SFXN5: variants seen among roughly 807,000 people sequenced by gnomAD.
The protein encoded by SFXN5 is sideroflexin 5.
A neutral mutation model predicts 50.2 loss-of-function variants in SFXN5; 43 were observed. The ratio of observed to expected loss-of-function variants is 0.86; its 90% confidence interval spans 0.67 to 1.11. The LOEUF is 1.11. Ranked by LOEUF, SFXN5 falls within the 50% of genes least tolerant of loss-of-function variation. The probability of loss-of-function intolerance (pLI) is 0.00; values close to 1 mark genes in which losing one functional copy is unlikely to be tolerated. For missense variants in SFXN5, 463 were observed against 454.1 expected (o/e 1.02, Z -0.18); for synonymous variants, 203 against 185.8 (o/e 1.09, Z -0.75).
At chr2:73,059,491 T>G in intron 1 of SFXN5, 2 of 985,346 alleles carry the variant, frequency 2.0e-6, no homozygotes, top group South Asian at 9.4e-5. Context: ...CCTTATTTAG[T>G]AGGACACCAG....
chr2:73,061,223 G>A (rs1178295025), intron 1 of SFXN5, among the ~76,000 whole-genome samples: 1 of 150,916 alleles, frequency 6.6e-6, no homozygotes, highest in African/African-American at 2.4e-5. Context: ...CAGGAGAATC[G>A]CTTGAACCTA....
At position 73,050,388 on chromosome 2, in the gene SFXN5, G is replaced by GCGCGCGCGCGCACACACACACACACA; in HGVS notation, c.171+8139_171+8140insTGTGTGTGTGTGTGTGCGCGCGCGCG. ...GTGGAGGTAGCGCCGCAGCCACAGC[G>GCGCGCGCGCGCACACACACACACACA]CACGCACACACACACACACACACAC... On this transcript the variant is annotated intron_variant, in intron 2 of 13. Coordinates refer to ENST00000272433, the MANE Select transcript of SFXN5 (RefSeq NM_144579.3). Among the ~76,000 whole-genome samples, 9 of 143,912 alleles carry GCGCGCGCGCGCACACACACACACACA rather than the reference G, an allele frequency of 6.3e-5. No homozygotes were observed. In the South Asian group the frequency reaches 1.5e-3, roughly 24 times the overall value. The allele number at this position is 143,912 out of a possible 152,430, so 94.4% of individuals were successfully genotyped here.
chr2:73,050,403 C>G (rs1471518849), intron 2 of SFXN5, among the ~76,000 whole-genome samples: 2 of 152,040 alleles, frequency 1.3e-5, no homozygotes, highest in Non-Finnish European at 2.9e-5. Flanking sequence ...CACACACACA[C>G]ACACACACAC....
At chr2:72,981,449 G>T (rs1160386414) in intron 10 of SFXN5, among the ~76,000 whole-genome samples, 4 of 152,086 alleles carry the variant, frequency 2.6e-5, no homozygotes, top group Admixed American at 1.3e-4. Context: ...ATCAAACCTT[G>T]TGAGATCTCA....
At chr2:72,991,986 T>C (rs552641038) in intron 9 of SFXN5, among the ~76,000 whole-genome samples, 29 of 152,284 alleles carry the variant, frequency 1.9e-4, no homozygotes, top group African/African-American at 6.7e-4. Context: ...TTTTGGTAGA[T>C]GGGGAAAACA....
At chr2:72,957,196 C>G (rs1319285172) in intron 13 of SFXN5, 2 of 414,154 alleles carry the variant, frequency 4.8e-6, no homozygotes, top group Non-Finnish European at 9.9e-6. Flanking sequence ...CCAGAGCCAT[C>G]TGACTGTCTA....
chr2:72,985,926 C>T (rs537279786), intron 10 of SFXN5, among the ~76,000 whole-genome samples: 63 of 152,286 alleles, frequency 4.1e-4, no homozygotes, highest in Non-Finnish European at 6.3e-4. Flanking sequence ...AGCAAGATGG[C>T]CAGTAGGGCT....
At chr2:73,018,607 G>C (rs553874805) in intron 6 of SFXN5, among the ~76,000 whole-genome samples, 106 of 152,328 alleles carry the variant, frequency 7.0e-4, no homozygotes, top group Non-Finnish European at 1.3e-3. Context: ...GAAAATTTGA[G>C]ACTATGCAAA....
intron 6 of SFXN5, among the ~76,000 whole-genome samples, chr2:73,009,244 C>G (rs1389907894): frequency 3.3e-5 from 5 of 152,254 alleles, no homozygotes; most frequent in Non-Finnish European, 7.3e-5. Flanking sequence ...CCCCTTCAGA[C>G]CAGGCATTTG....
intron 6 of SFXN5, among the ~76,000 whole-genome samples, chr2:73,004,690 G>A (rs1674388216): frequency 2.0e-5 from 3 of 152,008 alleles, no homozygotes; most frequent in South Asian, 2.1e-4. Context: ...GAGCTGCATC[G>A]GCCAAATGGA....
intron 10 of SFXN5, among the ~76,000 whole-genome samples, chr2:72,985,592 G>A (rs1671821495): frequency 6.6e-6 from 1 of 151,858 alleles, no homozygotes; most frequent in Admixed American, 6.6e-5. Context: ...ACTGGGGCTG[G>A]GGCAGAAGGC....
chr2:72,975,073 A>G (rs1670474881), intron 10 of SFXN5, among the ~76,000 whole-genome samples: 1 of 152,334 alleles, frequency 6.6e-6, no homozygotes, highest in South Asian at 2.1e-4. Context: ...AATGTGGGAG[A>G]TGTCAAGGAA....
At chr2:73,036,086 C>T (rs532240575) in intron 3 of SFXN5, among the ~76,000 whole-genome samples, 2 of 152,228 alleles carry the variant, frequency 1.3e-5, no homozygotes, top group Non-Finnish European at 2.9e-5. Flanking sequence ...AGAGCAGGCG[C>T]AGAGCCCAGG....
chr2:73,054,373 G>T (rs904999643), intron 2 of SFXN5, among the ~76,000 whole-genome samples: 1 of 152,004 alleles, frequency 6.6e-6, no homozygotes, highest in Non-Finnish European at 1.5e-5. Context: ...TAAATTAATA[G>T]TTTTTTTTAA....
chr2:72,963,404 G>A (rs535793072), intron 12 of SFXN5, among the ~76,000 whole-genome samples: 3 of 152,272 alleles, frequency 2.0e-5, no homozygotes, highest in African/African-American at 7.2e-5. Flanking sequence ...GAAGTACTCA[G>A]TGGGAAAGAG....
At chr2:73,047,056 C>CTCTA (rs1680430809) in intron 2 of SFXN5, among the ~76,000 whole-genome samples, 1 of 149,226 alleles carries the variant, frequency 6.7e-6, no homozygotes, top group African/African-American at 2.5e-5. Flanking sequence ...GAAACTCCAT[C>CTCTA]TCTACTTAAA....
At chr2:73,009,957 G>A (rs1277231743) in intron 6 of SFXN5, among the ~76,000 whole-genome samples, 1 of 152,236 alleles carries the variant, frequency 6.6e-6, no homozygotes, top group Non-Finnish European at 1.5e-5. Context: ...GATGGCAGCT[G>A]ATAATTGTGT....
chr2:72,991,557 C>T (rs1355802097), intron 9 of SFXN5, among the ~76,000 whole-genome samples: 1 of 152,242 alleles, frequency 6.6e-6, no homozygotes, highest in African/African-American at 2.4e-5. Flanking sequence ...TACCCTCACC[C>T]CTTCCCAGGC....
chr2:72,988,150 G>T, intron 10 of SFXN5, 108 bp downstream of exon 10: 1 of 943,852 alleles, frequency 1.1e-6, no homozygotes, highest in Non-Finnish European at 1.6e-6. Context: ...CCAGCTGGGT[G>T]CCCCCTGGGC....
Sources: allele counts gnomAD v4.1 joint callset (sites outside exome capture counted in the v4.1 genomes callset), GRCh38; gene constraint gnomAD v4.1.1; transcripts MANE v1.5; gene names NCBI Gene and HGNC (gene_info 2026-07-23, HGNC 2026-07-21).